SLC44A5: variants seen among roughly 807,000 people sequenced by gnomAD.
SLC44A5 encodes choline transporter-like protein 5.
In SLC44A5, 57 loss-of-function variants were observed where a neutral mutation model predicts 101.8. The ratio of observed to expected loss-of-function variants is 0.56; its 90% CI spans 0.45 to 0.70. SLC44A5 has a LOEUF of 0.70. Ranked by LOEUF, SLC44A5 falls within the 30% of genes least tolerant of loss-of-function variation. SLC44A5 has a pLI of 0.00. For missense variants in SLC44A5, 737 were observed against 853.1 expected (o/e 0.86, Z 1.70); for synonymous variants, 281 against 290.9 (o/e 0.97, Z 0.35).
chr1:75,442,092 C>A (rs1328071558), intron 2 of SLC44A5, among the ~76,000 whole-genome samples: 1 of 152,056 alleles, frequency 6.6e-6, no homozygotes, highest in Non-Finnish European at 1.5e-5. Context: ...TCAGTTAATT[C>A]TCATAAAACT....
At chr1:75,414,319 C>A (rs1290127232) in intron 2 of SLC44A5, among the ~76,000 whole-genome samples, 68 of 122,856 alleles carry the variant, frequency 5.5e-4, no homozygotes, top group African/African-American at 2.2e-3. Flanking sequence ...ACATACATAT[C>A]CACATACACA....
intron 2 of SLC44A5, among the ~76,000 whole-genome samples, chr1:75,464,605 C>G (rs1557812566): frequency 6.6e-6 from 1 of 151,824 alleles, no homozygotes; most frequent in Non-Finnish European, 1.5e-5. Context: ...AATATACTGA[C>G]TGAATGGATG....
intron 7 of SLC44A5, among the ~76,000 whole-genome samples, chr1:75,247,172 T>C (rs1165719549): frequency 6.6e-6 from 1 of 151,944 alleles, no homozygotes; most frequent in Non-Finnish European, 1.5e-5. Flanking sequence ...GATGGCTCCT[T>C]GAACTAGGGA....
At chr1:75,385,541 G>A (rs1231887735) in intron 3 of SLC44A5, among the ~76,000 whole-genome samples, 1 of 152,116 alleles carries the variant, frequency 6.6e-6, no homozygotes, top group African/African-American at 2.4e-5. Flanking sequence ...ACCAATAACA[G>A]GCTCTGAAAT....
At chr1:75,439,165 A>G (rs1665053846) in intron 2 of SLC44A5, among the ~76,000 whole-genome samples, 1 of 152,034 alleles carries the variant, frequency 6.6e-6, no homozygotes, top group South Asian at 2.1e-4. Flanking sequence ...GATTCCATAT[A>G]AAAGAATGAG....
the SLC44A5 span, among the ~76,000 whole-genome samples, chr1:75,670,503 C>T: frequency 7.3e-3 from 1,116 of 152,126 alleles, 14 homozygotes; most frequent in African/African-American, 0.025. Context: ...CCATGAAAAA[C>T]TAAAGTTATT....
At chr1:75,501,149 T>C (rs759509780) in intron 2 of SLC44A5, among the ~76,000 whole-genome samples, 2 of 151,630 alleles carry the variant, frequency 1.3e-5, no homozygotes, top group Non-Finnish European at 2.9e-5. Context: ...AGATTTAATT[T>C]AGTAAAAAAC....
chr1:75,431,939 G>C lies in SLC44A5; in HGVS notation c.14-35318C>G, dbSNP rs547562324. ...GGGAGGAGAGGAGTATTATTTCACA[G>C]TGTCGAATTTTAGTGCATTCTTCAG... On this transcript the variant is annotated intron_variant, in intron 2 of 23. Coordinates refer to ENST00000370859, the MANE Select transcript of SLC44A5 (RefSeq NM_001130058.2). 7.9e-5 allele frequency among the ~76,000 whole-genome samples: 12 copies of C among 152,232 alleles called. No homozygotes were observed. The South Asian group carries it at 1.9e-3, about 24-fold the overall frequency.
chr1:75,410,026 C>T (rs192512808), intron 2 of SLC44A5, among the ~76,000 whole-genome samples: 17 of 152,250 alleles, frequency 1.1e-4, no homozygotes, highest in African/African-American at 3.9e-4. Flanking sequence ...TCAAAATTAA[C>T]CTATTCTTAT....
intron 1 of SLC44A5, among the ~76,000 whole-genome samples, chr1:75,555,366 G>A (rs1672161932): frequency 6.6e-6 from 1 of 151,972 alleles, no homozygotes; most frequent in East Asian, 1.9e-4. Flanking sequence ...CTCTACAAAT[G>A]TATATGTTTC....
chr1:75,698,249 C>T, the SLC44A5 span, among the ~76,000 whole-genome samples: 2 of 152,224 alleles, frequency 1.3e-5, no homozygotes, highest in Non-Finnish European at 2.9e-5. Context: ...ACTTAAATGT[C>T]CCTGTCTGAC....
the SLC44A5 span, chr1:75,642,007 A>G: frequency 2.7e-6 from 4 of 1,469,622 alleles, no homozygotes; most frequent in Admixed American, 6.9e-5. Context: ...CTTCATCTGC[A>G]TGGTGGAAGA....
chr1:75,445,529 A>G (rs1407043411), intron 2 of SLC44A5, among the ~76,000 whole-genome samples: 3 of 148,092 alleles, frequency 2.0e-5, no homozygotes, highest in Non-Finnish European at 4.5e-5. Flanking sequence ...ATATGTATAT[A>G]TTACGTAATA....
At chr1:75,310,488 T>G (rs56212906) in intron 4 of SLC44A5, among the ~76,000 whole-genome samples, 17,073 of 152,224 alleles carry the variant, frequency 0.11, 1,055 homozygotes, top group Middle Eastern at 0.17. Flanking sequence ...CTCATGACCA[T>G]CCCTACCTGG....
the SLC44A5 span, among the ~76,000 whole-genome samples, chr1:75,717,241 T>C: frequency 0.26 from 39,906 of 150,748 alleles, 6,529 homozygotes; most frequent in East Asian, 0.68. Flanking sequence ...CTCCGTAGGC[T>C]GAGGCATGAG....
At chr1:75,723,876 A>C in the SLC44A5 span, 1 of 152,216 alleles carries the variant, frequency 6.6e-6, no homozygotes, top group Non-Finnish European at 1.5e-5. Context: ...AATTAGATGA[A>C]TTTATGGGTG....
chr1:75,355,408 A>C (rs1557695779), intron 3 of SLC44A5, among the ~76,000 whole-genome samples: 1 of 152,234 alleles, frequency 6.6e-6, no homozygotes. Flanking sequence ...GTTTCTGTTA[A>C]AGGAAGAATA....
At chr1:75,682,985 G>T in the SLC44A5 span, among the ~76,000 whole-genome samples, 1 of 152,056 alleles carries the variant, frequency 6.6e-6, no homozygotes, top group African/African-American at 2.4e-5. Context: ...CATTTATGCA[G>T]CCAAAAAACA....
intron 2 of SLC44A5, among the ~76,000 whole-genome samples, chr1:75,403,421 G>A (rs886382756): frequency 2.0e-5 from 3 of 152,176 alleles, no homozygotes; most frequent in African/African-American, 7.2e-5. Flanking sequence ...CCCAGCAGGG[G>A]TCGACAGACA....
Sources: gnomAD v4.1 joint callset for allele counts (sites outside exome capture counted in the v4.1 genomes callset) on GRCh38, gnomAD v4.1.1 for gene constraint, MANE v1.5 for transcripts, NCBI Gene and HGNC (gene_info 2026-07-23, HGNC 2026-07-21) for gene names.